NPAS3: variants seen among roughly 807,000 people sequenced by gnomAD.
NPAS3 encodes the protein neuronal PAS domain-containing protein 3.
Under a neutral mutation model 73.1 loss-of-function variants are expected in NPAS3, and 14 were observed. The ratio of observed to expected loss-of-function variants is 0.19; its 90% confidence interval spans 0.13 to 0.30. NPAS3 has a LOEUF of 0.30. Ranked by LOEUF, NPAS3 falls within the 10% of genes least tolerant of loss-of-function variation. The pLI is 1.00. For synonymous variants in NPAS3, 620 were observed against 541.5 expected (o/e 1.14, Z -2.01); for missense variants, 1,096 against 1,250.0 (o/e 0.88, Z 1.86).
chr14:33,058,745 G>A (rs763532972), intron 2 of NPAS3, among the ~76,000 whole-genome samples: 2 of 152,164 alleles, frequency 1.3e-5, no homozygotes, highest in African/African-American at 2.4e-5. Context: ...ACATATAACT[G>A]CACATATGTG....
intron 3 of NPAS3, among the ~76,000 whole-genome samples, chr14:33,254,984 T>A (rs1229304650): frequency 1.3e-5 from 2 of 152,020 alleles, no homozygotes; most frequent in Non-Finnish European, 2.9e-5. Context: ...AGTTGCAGAC[T>A]GACCCAGTCT....
intron 5 of NPAS3, among the ~76,000 whole-genome samples, chr14:33,662,203 C>A (rs961970845): frequency 2.6e-5 from 4 of 152,206 alleles, no homozygotes; most frequent in Admixed American, 2.0e-4. Context: ...CGCAGCTAGA[C>A]AAGGTACTTG....
At chr14:32,954,197 A>C (rs1409434849) in intron 1 of NPAS3, among the ~76,000 whole-genome samples, 2 of 152,178 alleles carry the variant, frequency 1.3e-5, no homozygotes, top group Non-Finnish European at 2.9e-5. Flanking sequence ...GGAGTACACC[A>C]GGTTTGTTTC....
chr14:33,522,520 C>T (rs1235858955), intron 4 of NPAS3, among the ~76,000 whole-genome samples: 2 of 152,080 alleles, frequency 1.3e-5, no homozygotes, highest in South Asian at 2.1e-4. Flanking sequence ...CGCCTCTACT[C>T]TTAACCATCA....
chr14:33,419,521 C>A (rs2048290889), intron 4 of NPAS3, among the ~76,000 whole-genome samples: 1 of 151,708 alleles, frequency 6.6e-6, no homozygotes, highest in Non-Finnish European at 1.5e-5. Flanking sequence ...AAAGTAAATG[C>A]TTATTTACTT....
At chr14:33,136,328 C>T (rs565498346) in intron 2 of NPAS3, among the ~76,000 whole-genome samples, 80 of 151,300 alleles carry the variant, frequency 5.3e-4, no homozygotes, top group African/African-American at 1.8e-3. Flanking sequence ...CAAAGTGCTG[C>T]GATTACAGGT....
intron 1 of NPAS3, among the ~76,000 whole-genome samples, chr14:32,994,820 T>C (rs1423332816): frequency 2.6e-5 from 4 of 152,094 alleles, no homozygotes; most frequent in African/African-American, 4.8e-5. Context: ...TCAGTAGAGA[T>C]GGGATTTCGC....
intron 1 of NPAS3, among the ~76,000 whole-genome samples, chr14:32,997,623 C>A (rs976035033): frequency 6.6e-6 from 1 of 152,092 alleles, no homozygotes; most frequent in Non-Finnish European, 1.5e-5. Flanking sequence ...CTGCTGCCAT[C>A]CATGTAAGAT....
At chr14:32,990,307 C>G (rs1349501549) in intron 1 of NPAS3, among the ~76,000 whole-genome samples, 1 of 152,158 alleles carries the variant, frequency 6.6e-6, no homozygotes, top group East Asian at 1.9e-4. Context: ...TTTTAAATGA[C>G]TATTATTGAC....
At chr14:33,207,875 A>C (rs1310020533) in intron 2 of NPAS3, among the ~76,000 whole-genome samples, 2 of 152,164 alleles carry the variant, frequency 1.3e-5, no homozygotes, top group African/African-American at 4.8e-5. Context: ...CTAAAGTGAC[A>C]TTTCTGTTCT....
intron 4 of NPAS3, among the ~76,000 whole-genome samples, chr14:33,479,323 A>G (rs920060018): frequency 6.6e-6 from 1 of 152,108 alleles, no homozygotes; most frequent in Non-Finnish European, 1.5e-5. Flanking sequence ...GATGTATATT[A>G]CTGGTACCAT....
At chr14:33,274,019 C>A (rs544498460) in intron 3 of NPAS3, among the ~76,000 whole-genome samples, 1 of 152,268 alleles carries the variant, frequency 6.6e-6, no homozygotes, top group Admixed American at 6.5e-5. Flanking sequence ...AATCGGACAG[C>A]CCCCTTTCCC....
intron 4 of NPAS3, among the ~76,000 whole-genome samples, chr14:33,557,177 A>C (rs1199881266): frequency 1.2e-5 from 1 of 82,450 alleles, no homozygotes; most frequent in Non-Finnish European, 2.9e-5. Context: ...AGGTTCCGCT[A>C]TACTACATCC....
At chr14:33,131,848 C>T (rs148206402) in intron 2 of NPAS3, among the ~76,000 whole-genome samples, 270 of 152,198 alleles carry the variant, frequency 1.8e-3, no homozygotes, top group Non-Finnish European at 3.2e-3. Context: ...AAACTGGGAA[C>T]GTAATCTTTG....
chr14:33,474,197 G>C (rs2050915076), intron 4 of NPAS3, among the ~76,000 whole-genome samples: 1 of 152,152 alleles, frequency 6.6e-6, no homozygotes, highest in African/African-American at 2.4e-5. Flanking sequence ...ATGGGGTATA[G>C]ATTGGAGGGG....
intron 4 of NPAS3, among the ~76,000 whole-genome samples, chr14:33,522,152 C>T (rs555183602): frequency 5.9e-5 from 9 of 152,224 alleles, no homozygotes; most frequent in African/African-American, 1.4e-4. Flanking sequence ...CATAGCTTTG[C>T]GGTAAAAATC....
chr14:33,140,935 A>G (rs563029240), intron 2 of NPAS3, among the ~76,000 whole-genome samples: 1 of 152,320 alleles, frequency 6.6e-6, no homozygotes, highest in South Asian at 2.1e-4. Context: ...TCAGTCCATC[A>G]ATTCAAAAAG....
chr14:33,634,253 C>T (rs1567072251), intron 5 of NPAS3, among the ~76,000 whole-genome samples: 1 of 152,146 alleles, frequency 6.6e-6, no homozygotes. Flanking sequence ...ACCCCTAATA[C>T]GTGCACTGTC....
At chr14:33,657,907 T>C (rs555975534) in intron 5 of NPAS3, among the ~76,000 whole-genome samples, 1 of 152,276 alleles carries the variant, frequency 6.6e-6, no homozygotes, top group East Asian at 1.9e-4. Flanking sequence ...GCGATAGAAA[T>C]GCCAACTCTT....
Sources: allele counts gnomAD v4.1 joint callset (sites outside exome capture counted in the v4.1 genomes callset), GRCh38; gene constraint gnomAD v4.1.1; transcripts MANE v1.5; gene names NCBI Gene and HGNC (gene_info 2026-07-23, HGNC 2026-07-21).